RAP1GDS1: variants seen among roughly 807,000 people sequenced by gnomAD.
The protein encoded by RAP1GDS1 is Rap1 GTPase-GDP dissociation stimulator 1, also known as RAP1, GTP-GDP dissociation stimulator 1.
In RAP1GDS1, 35 loss-of-function variants were observed where a neutral mutation model predicts 71.1. The ratio of observed to expected loss-of-function variants is 0.49; its 90% CI spans 0.38 to 0.65. The LOEUF is 0.65. RAP1GDS1 is among the 30% of genes least tolerant of loss of function. The probability of loss-of-function intolerance (pLI) is 0.00; values close to 1 mark genes in which losing one functional copy is unlikely to be tolerated. For missense variants in RAP1GDS1, 663 were observed against 706.1 expected (o/e 0.94, Z 0.69); for synonymous variants, 229 against 243.1 (o/e 0.94, Z 0.54).
Position 98,420,008 on chromosome 4 carries a change from T to G in RAP1GDS1, c.1175-11T>G, listed in dbSNP as rs1560993039. 1 of 1,583,916 alleles carries G rather than the reference T, an allele frequency of 6.3e-7. No individual in the cohort carries two copies. The highest frequency in any genetic ancestry group is 1.8e-5 in the Admixed American group (1 of 56,710). ...AATACCATTTTAACCATAGTCTCTC[T>G]TTTTCTCCAGTTATAAATAAAGCAA... On this transcript the variant is annotated splice_polypyrimidine_tract_variant and intron_variant, in intron 10 of 14. Transcript: ENST00000408927.
intron 4 of RAP1GDS1, among the ~76,000 whole-genome samples, chr4:98,353,705 T>C (rs992877118): frequency 2.0e-5 from 3 of 152,224 alleles, no homozygotes; most frequent in Non-Finnish European, 4.4e-5. Context: ...GAATTTTAAC[T>C]TCAGTTTTCA....
At chr4:98,383,661 T>G (rs1303180923) in intron 5 of RAP1GDS1, among the ~76,000 whole-genome samples, 2 of 151,460 alleles carry the variant, frequency 1.3e-5, no homozygotes, top group East Asian at 3.9e-4. Flanking sequence ...GACAACTGAG[T>G]TTAAATATTA....
intron 2 of RAP1GDS1, among the ~76,000 whole-genome samples, chr4:98,311,683 C>G (rs1455186232): frequency 1.3e-5 from 2 of 152,222 alleles, no homozygotes; most frequent in Admixed American, 1.3e-4. Flanking sequence ...GTCACCCAGG[C>G]TGGAGTGCAG....
intron 6 of RAP1GDS1, among the ~76,000 whole-genome samples, chr4:98,394,785 G>A (rs1744270603): frequency 1.3e-5 from 2 of 152,070 alleles, no homozygotes; most frequent in South Asian, 4.1e-4. Context: ...CTCTTGCTGT[G>A]TGTTTAAGAC....
chr4:98,409,720 G>A (rs1746735684), intron 7 of RAP1GDS1: 1 of 467,570 alleles, frequency 2.1e-6, no homozygotes, highest in South Asian at 1.7e-5. Flanking sequence ...AAACGGAAGG[G>A]GCCTGAGCTG....
intron 3 of RAP1GDS1, among the ~76,000 whole-genome samples, chr4:98,346,345 C>G (rs776285805): frequency 1.3e-5 from 2 of 152,134 alleles, no homozygotes; most frequent in South Asian, 4.2e-4. Context: ...GTCTCCTGTT[C>G]TGTTTTATTT....
intron 14 of RAP1GDS1, among the ~76,000 whole-genome samples, chr4:98,439,548 T>C (rs1421071083): frequency 6.6e-6 from 1 of 152,204 alleles, no homozygotes; most frequent in Non-Finnish European, 1.5e-5. Context: ...TTGACACTAA[T>C]GTGAGATCTT....
intron 2 of RAP1GDS1, among the ~76,000 whole-genome samples, chr4:98,308,250 A>G (rs1414671454): frequency 1.4e-5 from 2 of 145,214 alleles, no homozygotes; most frequent in East Asian, 4.2e-4. Flanking sequence ...GTGTATATAC[A>G]TGTATATATA....
chr4:98,316,106 C>G (rs899773773), intron 2 of RAP1GDS1, among the ~76,000 whole-genome samples: 3 of 152,058 alleles, frequency 2.0e-5, no homozygotes, highest in Non-Finnish European at 4.4e-5. Flanking sequence ...AAGTATATGG[C>G]TAGATTCATC....
intron 7 of RAP1GDS1, among the ~76,000 whole-genome samples, chr4:98,408,591 T>C (rs1400546243): frequency 6.6e-6 from 1 of 151,998 alleles, no homozygotes; most frequent in Non-Finnish European, 1.5e-5. Context: ...ACAAAGACAA[T>C]ACATGAATGA....
At chr4:98,421,170 T>G in intron 11 of RAP1GDS1, 85 bp from the exon 12 acceptor site, 6 of 1,339,276 alleles carry the variant, frequency 4.5e-6, no homozygotes, top group Non-Finnish European at 6.0e-6. Flanking sequence ...TTTTTAGACG[T>G]CCTTCACACT....
intron 4 of RAP1GDS1, among the ~76,000 whole-genome samples, chr4:98,359,868 C>T (rs72896358): frequency 0.013 from 1,908 of 152,158 alleles, 43 homozygotes; most frequent in African/African-American, 0.044. Flanking sequence ...ATAGTGACTG[C>T]GGCAGAGAGA....
chr4:98,300,683 G>A (rs1728451197), intron 2 of RAP1GDS1, among the ~76,000 whole-genome samples: 1 of 152,082 alleles, frequency 6.6e-6, no homozygotes, highest in Non-Finnish European at 1.5e-5. Flanking sequence ...TTACAAGCAT[G>A]AGCCACCGTG....
At chr4:98,287,499 G>A (rs1203556141) in intron 1 of RAP1GDS1, among the ~76,000 whole-genome samples, 3 of 152,098 alleles carry the variant, frequency 2.0e-5, no homozygotes, top group Non-Finnish European at 4.4e-5. Flanking sequence ...TGGTGAATAG[G>A]CACAGAGTTA....
chr4:98,293,582 G>A, intron 2 of RAP1GDS1, 67 bp downstream of exon 2: 1 of 1,117,028 alleles, frequency 9.0e-7, no homozygotes, highest in South Asian at 1.4e-5. Flanking sequence ...TCAGAAACTG[G>A]TATGTAGTTA....
intron 4 of RAP1GDS1, among the ~76,000 whole-genome samples, chr4:98,360,913 T>A (rs1738644195): frequency 6.6e-6 from 1 of 151,496 alleles, no homozygotes; most frequent in Non-Finnish European, 1.5e-5. Flanking sequence ...CTCTACTTTT[T>A]AAAAAGAAAA....
intron 2 of RAP1GDS1, among the ~76,000 whole-genome samples, chr4:98,310,783 A>G (rs1730110230): frequency 2.0e-5 from 3 of 152,028 alleles, no homozygotes; most frequent in Admixed American, 2.0e-4. Flanking sequence ...AAATTGAGAT[A>G]AACTATAATC....
chr4:98,271,118 G>T (rs558161701), intron 1 of RAP1GDS1, among the ~76,000 whole-genome samples: 1 of 152,144 alleles, frequency 6.6e-6, no homozygotes, highest in Non-Finnish European at 1.5e-5. Flanking sequence ...GTGAGAGGGG[G>T]ATTGGTACCC....
intron 1 of RAP1GDS1, among the ~76,000 whole-genome samples, chr4:98,280,387 G>T (rs1724895820): frequency 6.6e-6 from 1 of 152,120 alleles, no homozygotes; most frequent in Non-Finnish European, 1.5e-5. Context: ...TCATGTGTCT[G>T]TTGGCTGCAT....
Sources: gnomAD v4.1 joint callset for allele counts (sites outside exome capture counted in the v4.1 genomes callset) on GRCh38, gnomAD v4.1.1 for gene constraint, MANE v1.5 for transcripts, NCBI Gene and HGNC (gene_info 2026-07-23, HGNC 2026-07-21) for gene names.